The following CPPED1 variants were observed in gnomAD, a reference collection of about 807,000 sequenced individuals.
The protein encoded by CPPED1 is calcineurin like phosphoesterase domain containing 1.
Under a neutral mutation model 28.0 loss-of-function variants are expected in CPPED1, and 28 were observed. The observed-to-expected ratio is 1.00, with a 90% confidence interval of 0.74 to 1.37. The LOEUF (loss-of-function observed/expected upper bound fraction) is 1.37. Among genes scored for constraint, CPPED1 ranks in the 40% most tolerant of loss-of-function variants. CPPED1 has a pLI of 0.00. For missense variants in CPPED1, 504 were observed against 416.5 expected, an observed-to-expected ratio of 1.21 and a Z score of -1.83; for synonymous variants, 198 against 180.2, an observed-to-expected ratio of 1.10 and a Z score of -0.79.
chr16:12,777,120 C>G (rs1282045922), intron 2 of CPPED1, among the ~76,000 whole-genome samples: 1 of 152,208 alleles, frequency 6.6e-6, no homozygotes, highest in African/African-American at 2.4e-5. Flanking sequence ...AGGGCTACAT[C>G]ATCAACTGAA....
intron 3 of CPPED1, among the ~76,000 whole-genome samples, chr16:12,684,529 T>C (rs1280475602): frequency 6.6e-6 from 1 of 152,206 alleles, no homozygotes; most frequent in African/African-American, 2.4e-5. Context: ...CCTCTGCCCA[T>C]GTTGTGCCCT....
intron 3 of CPPED1, among the ~76,000 whole-genome samples, chr16:12,686,559 C>T (rs903141937): frequency 7.9e-5 from 12 of 152,216 alleles, no homozygotes; most frequent in African/African-American, 2.2e-4. Context: ...GCTTTCCCAA[C>T]CCTCTTGCCT....
At chr16:12,710,954 G>C (rs2080076928) in intron 2 of CPPED1, among the ~76,000 whole-genome samples, 1 of 152,132 alleles carries the variant, frequency 6.6e-6, no homozygotes, top group Non-Finnish European at 1.5e-5. Context: ...TTAAACGTAG[G>C]ATTACCAGAT....
intron 2 of CPPED1, among the ~76,000 whole-genome samples, chr16:12,716,023 T>A (rs892346176): frequency 2.0e-4 from 30 of 152,268 alleles, no homozygotes; most frequent in African/African-American, 6.5e-4. Context: ...GATTTTATGG[T>A]TTTTAGCCAA....
chr16:12,701,951 AAGC>A (rs2141185287), intron 3 of CPPED1, among the ~76,000 whole-genome samples: 1 of 152,300 alleles, frequency 6.6e-6, no homozygotes, highest in African/African-American at 2.4e-5. Context: ...CATGCCTACC[AAGC>A]AGCCTCCTGA....
rs1279714821 is a variant in CPPED1 at position 12,661,691 on chromosome 16, G to A, written c.*3195C>T. 6.6e-6 allele frequency: 1 copy of A among 152,248 alleles called. No individual in the cohort carries two copies. Among genetic ancestry groups the A allele is most frequent in the East Asian group, 1.9e-4 (1 of 5,200 alleles). The allele number at this position is 152,248 out of a possible 1,614,324, so 9.4% of individuals were successfully genotyped here. On this transcript the variant is annotated 3_prime_UTR_variant, in exon 4 of 4. Transcript: ENST00000381774. ...CTGTGGTGGTAACTCCAGACATGGA[G>A]CAGCTAGAGCTGCGGACAGTTACTG...
intron 2 of CPPED1, among the ~76,000 whole-genome samples, chr16:12,741,451 G>A (rs1253972600): frequency 6.6e-6 from 1 of 152,164 alleles, no homozygotes; most frequent in Non-Finnish European, 1.5e-5. Flanking sequence ...AAGGCAGGAA[G>A]CTCAACCAAG....
In CPPED1 at chr16:12,664,353, T is replaced by C. The variant is rs951811601; in HGVS notation, c.*533A>G. The C allele has an allele frequency of 2.0e-6, 2 of 990,868 alleles. No individual in the cohort carries two copies. Among genetic ancestry groups the C allele is most frequent in the African/African-American group, 1.7e-5 (1 of 57,266 alleles). The allele number at this position is 990,868 out of a possible 1,614,324, so 61.4% of individuals were successfully genotyped here. ...CAGTAAATGGTGCCTACTTGGCTCC[T>C]TGTCAAAATAAGTCTGCATGGCTCT... On this transcript the variant is annotated 3_prime_UTR_variant, in exon 4 of 4. Transcript: ENST00000381774. This position sits in a 1 kb window ranked among gnomAD's most constrained non-coding sequence, Gnocchi z 4.2.
intron 3 of CPPED1, among the ~76,000 whole-genome samples, chr16:12,687,124 G>A (rs2079937433): frequency 6.6e-6 from 1 of 151,980 alleles, no homozygotes; most frequent in African/African-American, 2.4e-5. Flanking sequence ...ATTTAATCAT[G>A]CTCTTTACAG....
intron 2 of CPPED1, among the ~76,000 whole-genome samples, chr16:12,751,676 C>G (rs961317729): frequency 6.6e-6 from 1 of 152,194 alleles, no homozygotes; most frequent in Non-Finnish European, 1.5e-5. Context: ...TGCCACTGTT[C>G]TTTGCATTTT....
chr16:12,693,987 C>A (rs1206365886), intron 3 of CPPED1, among the ~76,000 whole-genome samples: 1 of 152,168 alleles, frequency 6.6e-6, no homozygotes, highest in Non-Finnish European at 1.5e-5. Flanking sequence ...GGGCGGGTCA[C>A]CTGAGGTCAG....
chr16:12,767,892 T>C (rs531716064), intron 2 of CPPED1, among the ~76,000 whole-genome samples: 1 of 151,978 alleles, frequency 6.6e-6, no homozygotes, highest in African/African-American at 2.4e-5. Flanking sequence ...AGGAGGAAGG[T>C]TGCAGTGAGC....
chr16:12,752,706 C>T (rs1306404657), intron 2 of CPPED1, among the ~76,000 whole-genome samples: 1 of 146,766 alleles, frequency 6.8e-6, no homozygotes, highest in Non-Finnish European at 1.5e-5. Flanking sequence ...AACTAAAACA[C>T]ATGCCAAAAA....
At chr16:12,706,348 A>G (rs1053329531) in intron 2 of CPPED1, among the ~76,000 whole-genome samples, 24 of 151,230 alleles carry the variant, frequency 1.6e-4, no homozygotes, top group African/African-American at 5.6e-4. Context: ...AAAACCCTTT[A>G]TATTAGGTTG....
intron 2 of CPPED1, among the ~76,000 whole-genome samples, chr16:12,745,059 A>G (rs890275578): frequency 2.0e-5 from 3 of 151,942 alleles, no homozygotes; most frequent in Admixed American, 2.0e-4. Flanking sequence ...AGGCAGTCCA[A>G]AAGGAAATAT....
At chr16:12,740,417 C>A (rs1460613979) in intron 2 of CPPED1, among the ~76,000 whole-genome samples, 1 of 150,868 alleles carries the variant, frequency 6.6e-6, no homozygotes, top group Non-Finnish European at 1.5e-5. Context: ...TGCACACCAA[C>A]CTGGGCAACA....
At chr16:12,780,825 A>C in intron 2 of CPPED1, 1 of 185,542 alleles carries the variant, frequency 5.4e-6, no homozygotes, top group Non-Finnish European at 1.1e-5. Context: ...ATAAAAGTGT[A>C]AGAAGAAAGG....
chr16:12,756,220 G>C (rs1345794635), intron 2 of CPPED1, among the ~76,000 whole-genome samples: 1 of 152,158 alleles, frequency 6.6e-6, no homozygotes, highest in Admixed American at 6.5e-5. Flanking sequence ...AATTTGGGAA[G>C]GACACGCTGT....
Position 12,663,933 on chromosome 16 carries a change from T to C in CPPED1, c.*953A>G, listed in dbSNP as rs2141162174. The C allele has an allele frequency of 6.6e-6, 1 of 152,348 alleles. No individual in the cohort carries two copies. The highest frequency in any genetic ancestry group is 1.5e-5 in the Non-Finnish European group (1 of 68,034). 9.4% of individuals were successfully genotyped at this position (152,348 alleles called of 1,614,324 possible). ...GTCAAGGGATTTTGCATTAGTGCAT[T>C]TAGTCCAAGTCAGGGCCAATTCAGA... On this transcript the variant is annotated 3_prime_UTR_variant, in exon 4 of 4. Coordinates refer to ENST00000381774, the MANE Select transcript of CPPED1 (RefSeq NM_018340.3).
Sources: gnomAD v4.1 joint callset for allele counts (sites outside exome capture counted in the v4.1 genomes callset) on GRCh38, gnomAD v4.1.1 for gene constraint, Gnocchi (gnomAD v3.1) non-coding constraint, MANE v1.5 for transcripts, NCBI Gene and HGNC (gene_info 2026-07-23, HGNC 2026-07-21) for gene names.